The following XPOT variants were observed in gnomAD, a reference collection of about 807,000 sequenced individuals.
XPOT encodes exportin for tRNA, also known as exportin-T.
Under a neutral mutation model 128.2 loss-of-function variants are expected in XPOT, and 34 were observed. The observed-to-expected ratio is 0.27, with a 90% confidence interval of 0.20 to 0.35. The LOEUF is 0.35. XPOT is among the 10% of genes least tolerant of loss of function. XPOT has a pLI of 1.00. For synonymous variants in XPOT, 348 were observed against 394.3 expected, an observed-to-expected ratio of 0.88 and a Z score of 1.39; for missense variants, 838 against 1,125.3, an observed-to-expected ratio of 0.74 and a Z score of 3.65.
Position 64,419,043 on chromosome 12 carries a change from C to T in XPOT, c.438C>T (p.Leu146=), listed in dbSNP as rs1387743051. ...PRGVDLYLRI[L]MAIDSELVDR... is the part of the protein sequence containing the mutation. ...GAGTAGATCTCTACCTGCGAATCCT[C>T]ATGGCTATTGATTCAGAGTTGGTGG... Residue 146 remains leucine, a synonymous_variant, in exon 6 of 25, where the codon CTC becomes CTT. Transcript: ENST00000332707. 1.9e-6 allele frequency: 3 copies of T among 1,614,098 alleles called. No individual in the cohort carries two copies. Among genetic ancestry groups the T allele is most frequent in the Non-Finnish European group, 1.7e-6 (2 of 1,180,042 alleles).
chr12:64,405,911 C>T (rs1163160722), intron 1 of XPOT, among the ~76,000 whole-genome samples: 1 of 152,024 alleles, frequency 6.6e-6, no homozygotes, highest in African/African-American at 2.4e-5. Context: ...CCACCGCGCC[C>T]GGCCTTCCAC....
rs769844876 is a variant in XPOT, at chr12:64,433,544, A to G, written c.2393A>G (p.Tyr798Cys). The G allele has an allele frequency of 1.5e-5, 24 of 1,613,048 alleles. No homozygotes were observed. The highest frequency in any genetic ancestry group is 2.0e-5 in the Non-Finnish European group (23 of 1,179,342). Residue 798 changes from tyrosine (Y) to cysteine (C), a missense_variant, in exon 19 of 25, where the codon TAC becomes TGC. By Grantham distance (194) the Tyr-to-Cys change is radical. Around this residue, in one of 3 missense-constraint regions of XPOT, gnomAD observed 761 missense variants for 988.3 expected, o/e 0.77. Transcript: ENST00000332707. ...ALEKQMLRRS[Y>C]FAFLQTVTGS... ...GAGAAGCAGATGTTGCGGAGGAGTT[A>G]CTTTGCTTTCCTGCAAACAGTCACA...
rs1435412471 is a variant in XPOT, at chr12:64,430,196, A to G, written c.1885A>G (p.Lys629Glu). ...GTTGACTCCACTAATGGAGAAGTTT[A>G]AAATTCTGTTAGAAAAGTTGATGCT... ...NLLTPLMEKF[K>E]ILLEKLMLAQ... Residue 629 changes from lysine to glutamate, a missense_variant, in exon 17 of 25, where the codon AAA becomes GAA. Lys to Glu is a moderately conservative substitution (Grantham distance 56, BLOSUM62 1). Transcript: ENST00000332707. The G allele has an allele frequency of 6.2e-7, 1 of 1,613,576 alleles. No individual in the cohort carries two copies. Among genetic ancestry groups the G allele is most frequent in the Non-Finnish European group, 8.5e-7 (1 of 1,179,850 alleles).
intron 23 of XPOT, among the ~76,000 whole-genome samples, chr12:64,441,281 T>C (rs2040322465): frequency 6.6e-6 from 1 of 152,210 alleles, no homozygotes; most frequent in South Asian, 2.1e-4. Context: ...GGTTTATATG[T>C]CTGTCTTAAA....
rs139499403 is a variant in XPOT at position 64,411,938 on chromosome 12, C to A, written c.60+1843C>A. Among the ~76,000 whole-genome samples the A allele has an allele frequency of 1.6e-4, 24 of 152,070 alleles. No individual in the cohort carries two copies. The East Asian group carries it at 4.4e-3, about 28-fold the overall frequency. ...TTTGTTTTTTTAATTGTTAGTAATG[C>A]ATAGATTCAGAATACAAAGGCTTTG... On this transcript the variant is annotated intron_variant, in intron 2 of 24. Transcript: ENST00000332707.
intron 12 of XPOT, 108 bp from the exon 13 acceptor site, chr12:64,424,930 A>G: frequency 7.0e-7 from 1 of 1,428,234 alleles, no homozygotes; most frequent in Non-Finnish European, 9.5e-7. Flanking sequence ...AACAGTTGCT[A>G]TGACTTTTTA....
chr12:64,435,001 A>ATT, intron 21 of XPOT, 92 bp downstream of exon 21: 5 of 1,024,098 alleles, frequency 4.9e-6, no homozygotes, highest in Non-Finnish European at 7.0e-6. Context: ...TGTTTCATTG[A>ATT]TTTTTTTTTT....
intron 22 of XPOT, among the ~76,000 whole-genome samples, chr12:64,437,635 G>A (rs938683582): frequency 1.3e-5 from 2 of 152,212 alleles, no homozygotes; most frequent in Non-Finnish European, 2.9e-5. Context: ...AAGTCAGTAG[G>A]CAGTGGGTTT....
chr12:64,412,970 AG>A (rs2136013057), intron 2 of XPOT, among the ~76,000 whole-genome samples: 1 of 152,216 alleles, frequency 6.6e-6, no homozygotes, highest in East Asian at 1.9e-4. Flanking sequence ...CACCCTCTCT[AG>A]GAACACCACC....
At chr12:64,419,994 T>C in intron 6 of XPOT, 76 bp from the exon 7 acceptor site, 4 of 1,347,710 alleles carry the variant, frequency 3.0e-6, no homozygotes, top group Non-Finnish European at 4.0e-6. Flanking sequence ...GAAAGTTTAC[T>C]CTCTGCAAGT....
chr12:64,406,364 G>A (rs928322658), intron 1 of XPOT, among the ~76,000 whole-genome samples: 1 of 148,162 alleles, frequency 6.7e-6, no homozygotes, highest in African/African-American at 2.5e-5. Context: ...GTGAGCCACC[G>A]TGCCCAGCCA....
In XPOT at chr12:64,433,388, C is replaced by T. The variant is rs76642962; in HGVS notation, c.2263-26C>T. 2.8e-3 allele frequency: 4,164 copies of T among 1,498,494 alleles called. 145 individuals are homozygous for T. In the East Asian group the frequency reaches 0.08, roughly 29 times the overall value. The allele number at this position is 1,498,494 out of a possible 1,614,324, so 92.8% of individuals were successfully genotyped here. On this transcript the variant is annotated intron_variant, in intron 18 of 24. Coordinates refer to ENST00000332707, the MANE Select transcript of XPOT (RefSeq NM_007235.6). ...TGTATGTTAATATTGTTACTAATTT[C>T]TGAAGTAATGATTGTTTATCTTCAG...
intron 22 of XPOT, among the ~76,000 whole-genome samples, chr12:64,436,204 GC>G (rs1442790958): frequency 3.3e-5 from 5 of 151,774 alleles, no homozygotes; most frequent in African/African-American, 4.8e-5. Flanking sequence ...TGATCCGCCT[GC>G]CTTGCTTGGC....
At chr12:64,405,901 C>T (rs1407891041) in intron 1 of XPOT, among the ~76,000 whole-genome samples, 2 of 152,132 alleles carry the variant, frequency 1.3e-5, no homozygotes, top group African/African-American at 2.4e-5. Context: ...CAGGCGTGAG[C>T]CACCGCGCCC....
rs1384620379 is a variant in XPOT at position 64,419,037 on chromosome 12, A to G, written c.432A>G (p.Arg144=). ...CAAGGGGAGTAGATCTCTACCTGCG[A>G]ATCCTCATGGCTATTGATTCAGAGT... is the stretch of plus-strand genomic sequence containing the variant. The part of the protein sequence containing the change: ...LNPRGVDLYL[R]ILMAIDSELV... Residue 144 remains arginine (R), a synonymous_variant, in exon 6 of 25, where the codon CGA becomes CGG. Coordinates refer to ENST00000332707, the MANE Select transcript of XPOT (RefSeq NM_007235.6). 2 of 1,613,880 alleles carry G rather than the reference A, an allele frequency of 1.2e-6. No individual in the cohort carries two copies. Among genetic ancestry groups the G allele is most frequent in the East Asian group, 4.5e-5 (2 of 44,844 alleles).
At chr12:64,408,754 A>G (rs1302002441) in intron 1 of XPOT, among the ~76,000 whole-genome samples, 1 of 151,976 alleles carries the variant, frequency 6.6e-6, no homozygotes, top group Non-Finnish European at 1.5e-5. Context: ...GCTCACTACA[A>G]CCTCTGCCTC....
chr12:64,439,645 T>C (rs1194804711), intron 23 of XPOT, among the ~76,000 whole-genome samples: 1 of 152,222 alleles, frequency 6.6e-6, no homozygotes, highest in African/African-American at 2.4e-5. Context: ...AGGAGCCTAA[T>C]AGGCTTTTCC....
chr12:64,429,710 G>A (rs1419984086), intron 16 of XPOT, among the ~76,000 whole-genome samples: 2 of 152,106 alleles, frequency 1.3e-5, no homozygotes, highest in Non-Finnish European at 2.9e-5. Context: ...CAAAGTGCTA[G>A]GATTACAGGC....
At chr12:64,426,571 TC>T (rs2040194463) in intron 15 of XPOT, among the ~76,000 whole-genome samples, 2 of 152,140 alleles carry the variant, frequency 1.3e-5, no homozygotes, top group Non-Finnish European at 2.9e-5. Context: ...CTGAAAAACT[TC>T]CTGTTGGGTA....
Sources: gnomAD v4.1 joint callset for allele counts (sites outside exome capture counted in the v4.1 genomes callset) on GRCh38, gnomAD v4.1.1 for gene constraint, gnomAD v4.1.1 regional missense constraint, MANE v1.5 for transcripts, NCBI Gene and HGNC (gene_info 2026-07-23, HGNC 2026-07-21) for gene names.